Variants in IKZF2 observed in about 807,000 individuals in gnomAD.
The protein encoded by IKZF2 is IKAROS family zinc finger 2.
In IKZF2, 15 loss-of-function variants were observed where a neutral mutation model predicts 49.2. The observed-to-expected ratio is 0.30, with a 90% CI of 0.20 to 0.47. The LOEUF is 0.47. Ranked by LOEUF, IKZF2 falls within the 20% of genes least tolerant of loss-of-function variation. The pLI, the probability that IKZF2 is intolerant of heterozygous loss-of-function variation, is 1.00. For missense variants in IKZF2, 567 were observed against 664.6 expected (o/e 0.85, Z 1.61); for synonymous variants, 227 against 221.4 (o/e 1.03, Z -0.23).
chr2:213,055,913 G>A (rs1413415540), intron 5 of IKZF2, among the ~76,000 whole-genome samples: 1 of 151,996 alleles, frequency 6.6e-6, no homozygotes, highest in Non-Finnish European at 1.5e-5. Flanking sequence ...AAAACTCTGA[G>A]AATATTAGTT....
chr2:213,149,776 T>TTCC (rs2061212392), intron 2 of IKZF2, among the ~76,000 whole-genome samples: 2 of 120,234 alleles, frequency 1.7e-5, no homozygotes, highest in African/African-American at 7.2e-5. Flanking sequence ...CACACTCCCT[T>TTCC]ACCCCCCCCC....
chr2:213,046,463 T>C (rs1700163984), intron 6 of IKZF2, among the ~76,000 whole-genome samples: 1 of 151,970 alleles, frequency 6.6e-6, no homozygotes, highest in African/African-American at 2.4e-5. Flanking sequence ...AAATAGAATG[T>C]CTGGAATTCA....
chr2:213,081,075 G>A (rs145227252), intron 4 of IKZF2: 2 of 154,806 alleles, frequency 1.3e-5, no homozygotes, highest in African/African-American at 4.8e-5. Flanking sequence ...GTCTGTGAAG[G>A]CCTAGAGTCT....
Position 213,074,942 on chromosome 2 carries a change from T to A in IKZF2, c.140-17843A>T, listed in dbSNP as rs529845213. 5.9e-5 allele frequency among the ~76,000 whole-genome samples: 9 copies of A among 152,332 alleles called. No individual in the cohort carries two copies. In the East Asian group the frequency reaches 1.7e-3, roughly 29 times the overall value. ...AAGCATGGATCCTGAAAAGGCGGTTTGTTTTCTTAAAACTAACTTCCAGTT... is the reference window on the plus strand; with the variant it reads ...AAGCATGGATCCTGAAAAGGCGGTTAGTTTTCTTAAAACTAACTTCCAGTT... On this transcript the variant is annotated intron_variant, in intron 4 of 8. Transcript: ENST00000434687.
intron 4 of IKZF2, among the ~76,000 whole-genome samples, chr2:213,100,523 G>T (rs1271489493): frequency 6.6e-6 from 1 of 151,936 alleles, no homozygotes; most frequent in Non-Finnish European, 1.5e-5. Flanking sequence ...GGGCCCCTTG[G>T]TGAAAGCCAC....
chr2:213,110,457 T>A (rs6717768), intron 4 of IKZF2, among the ~76,000 whole-genome samples: 5,449 of 151,930 alleles, frequency 0.036, 345 homozygotes, highest in African/African-American at 0.12. Context: ...TTTTTTTTAA[T>A]CTTAGCAATA....
rs756066144 is a variant in IKZF2, at chr2:213,057,077, C to T, written c.162G>A (p.Met54Ile). ...MTSTNSVKLE[M>I]QSDEECDRKP... The stretch of plus-strand genomic sequence containing the variant: ...TCCTGTCACACTCTTCATCACTCTG[C>T]ATTTCTAGCTTTACTGAATTTGCTG... The change falls in exon 5 of 9, where the codon ATG becomes ATA. Residue 54 changes from methionine to isoleucine, a missense_variant. This residue lies in a region of IKZF2 where 156 missense variants were observed against 138.5 expected (regional missense o/e 1.13). Coordinates refer to ENST00000434687, the MANE Select transcript of IKZF2 (RefSeq NM_001387220.1). 1.9e-6 allele frequency: 3 copies of T among 1,612,870 alleles called. No homozygotes were observed. In the African/African-American group the frequency reaches 4.0e-5, roughly 22 times the overall value.
chr2:213,060,903 T>C (rs140697539), intron 4 of IKZF2, among the ~76,000 whole-genome samples: 2 of 151,566 alleles, frequency 1.3e-5, no homozygotes, highest in African/African-American at 2.4e-5. Context: ...TGGTCAAGTT[T>C]ATGTAGAAAA....
chr2:213,109,927 G>C (rs1574877657), intron 4 of IKZF2, among the ~76,000 whole-genome samples: 1 of 151,906 alleles, frequency 6.6e-6, no homozygotes, highest in African/African-American at 2.4e-5. Flanking sequence ...GCTTGATGGA[G>C]TTAATGTGTA....
At position 213,003,318 on chromosome 2, in the gene IKZF2, T is replaced by C. The variant is rs951670046; in HGVS notation, c.*4042A>G. The C allele has an allele frequency of 6.6e-6, 1 of 152,068 alleles. No individual in the cohort carries two copies. Among genetic ancestry groups the C allele is most frequent in the Non-Finnish European group, 1.5e-5 (1 of 67,666 alleles). 9.4% of individuals were successfully genotyped at this position (152,068 alleles called of 1,614,324 possible). A position where few individuals can be genotyped will look rare whatever the true frequency, so the allele number is the denominator to read the frequency against. On this transcript the variant is annotated 3_prime_UTR_variant, in exon 9 of 9. Coordinates refer to ENST00000434687, the MANE Select transcript of IKZF2 (RefSeq NM_001387220.1). ...AATTAAAAATATGTCTAAGATAACT[T>C]TCATATACACAAACTTCAATTTCAC...
intron 6 of IKZF2, among the ~76,000 whole-genome samples, chr2:213,034,189 A>AAG (rs1304973607): frequency 1.3e-5 from 2 of 152,216 alleles, no homozygotes; most frequent in Admixed American, 6.5e-5. Flanking sequence ...GCTTTGATTT[A>AAG]AGAGAATGTT....
rs544291127 is a variant in IKZF2 at position 213,045,604 on chromosome 2, C to A, written c.574+4109G>T. 3.3e-5 allele frequency among the ~76,000 whole-genome samples: 5 copies of A among 152,238 alleles called. No homozygotes were observed. The South Asian group carries it at 1.0e-3, about 32-fold the overall frequency. ...ACTTGGGAGCAGGATATAGTAAATACCTGAGATGCCTCAGTAAGAGATATA... is the reference window on the plus strand; with the variant it reads ...ACTTGGGAGCAGGATATAGTAAATAACTGAGATGCCTCAGTAAGAGATATA... On this transcript the variant is annotated intron_variant, in intron 6 of 8. Transcript: ENST00000434687.
intron 6 of IKZF2, among the ~76,000 whole-genome samples, chr2:213,036,928 T>C (rs995737390): frequency 1.3e-5 from 2 of 152,020 alleles, no homozygotes; most frequent in Admixed American, 1.3e-4. Flanking sequence ...GAAAAAAACA[T>C]CCAAACAAAA....
intron 4 of IKZF2, among the ~76,000 whole-genome samples, chr2:213,087,676 AGT>A (rs2125615481): frequency 6.6e-6 from 1 of 152,092 alleles, no homozygotes; most frequent in African/African-American, 2.4e-5. Flanking sequence ...GACAGGCCCC[AGT>A]GTGTGATGTT....
intron 4 of IKZF2, among the ~76,000 whole-genome samples, chr2:213,143,608 C>A (rs901985245): frequency 6.6e-6 from 1 of 151,820 alleles, no homozygotes; most frequent in Non-Finnish European, 1.5e-5. Flanking sequence ...GGTATATACA[C>A]AAACCTAAGT....
rs750242414 is a variant in IKZF2 at position 213,008,046 on chromosome 2, A to C, written c.895T>G (p.Phe299Val). 6.2e-7 allele frequency: 1 copy of C among 1,612,172 alleles called. No individual in the cohort carries two copies. Among genetic ancestry groups the C allele is most frequent in the South Asian group, 1.1e-5 (1 of 90,912 alleles). ...LMRFSYPDIHFDMNLTYEKEA... is the reference protein window; with the variant it reads ...LMRFSYPDIHVDMNLTYEKEA... ...TTCTCATATGTTAAGTTCATATCAA[A>C]GTGAATATCTGGGTAGCTGAATCGC... The change falls in exon 9 of 9, where the codon TTT becomes GTT. Residue 299 changes from phenylalanine to valine, a missense_variant. Physicochemically the swap from Phe to Val is conservative, Grantham distance 50. Around this residue, in one of 5 missense-constraint regions of IKZF2, gnomAD observed 310 missense variants for 326.9 expected, o/e 0.95. Transcript: ENST00000434687.
intron 1 of IKZF2, 96 bp from the exon 2 acceptor site, chr2:213,150,343 G>A: frequency 2.5e-6 from 1 of 399,148 alleles, no homozygotes; most frequent in Admixed American, 3.6e-5. Flanking sequence ...CCCCTGCAGA[G>A]TTCAAGGGGA....
intron 4 of IKZF2, among the ~76,000 whole-genome samples, chr2:213,141,055 TG>T: frequency 6.6e-6 from 1 of 151,980 alleles, no homozygotes; most frequent in East Asian, 1.9e-4. Context: ...CCCGGAAACC[TG>T]CTCCAGTATT....
chr2:213,134,651 G>T (rs920723886), intron 4 of IKZF2, among the ~76,000 whole-genome samples: 2 of 152,066 alleles, frequency 1.3e-5, no homozygotes, highest in African/African-American at 4.8e-5. Context: ...CCTACTCCCT[G>T]GCTTTCAAAT....
Sources: gnomAD v4.1 joint callset for allele counts (sites outside exome capture counted in the v4.1 genomes callset) on GRCh38, gnomAD v4.1.1 for gene constraint, gnomAD v4.1.1 regional missense constraint, MANE v1.5 for transcripts, NCBI Gene and HGNC (gene_info 2026-07-23, HGNC 2026-07-21) for gene names.